The following LRRC9 variants were observed in gnomAD, a reference collection of about 807,000 sequenced individuals.
The protein encoded by LRRC9 is leucine-rich repeat-containing protein 9.
Under a neutral mutation model 63.2 loss-of-function variants are expected in LRRC9, and 122 were observed. The observed-to-expected ratio is 1.93, with a 90% CI of 1.67 to 2.24. LRRC9 has a LOEUF of 2.24. Ranked by LOEUF, LRRC9 falls within the 30% of genes most tolerant of loss-of-function variation. The probability of loss-of-function intolerance (pLI) is 0.00; values close to 1 mark genes in which losing one functional copy is unlikely to be tolerated. For synonymous variants in LRRC9, 366 were observed against 213.1 expected (o/e 1.72, Z -6.25); for missense variants, 1,071 against 627.7 (o/e 1.71, Z -7.55).
intron 1 of LRRC9, chr14:59,920,205 A>T (rs2139720134): frequency 6.6e-6 from 1 of 152,440 alleles, no homozygotes; most frequent in East Asian, 1.9e-4. Context: ...CAAGACAGGG[A>T]TTGGGAAATC....
chr14:59,921,843 TG>T (rs1263891628), intron 1 of LRRC9, among the ~76,000 whole-genome samples: 1 of 151,760 alleles, frequency 6.6e-6, no homozygotes, highest in African/African-American at 2.4e-5. Flanking sequence ...CCCAGCACTT[TG>T]GGAAGCCGAG....
At chr14:59,999,069 T>G in intron 18 of LRRC9, 32 bp from the exon 19 acceptor site, 1 of 631,504 alleles carries the variant, frequency 1.6e-6, no homozygotes, top group South Asian at 1.9e-5. Flanking sequence ...ATTTAACAGT[T>G]TATAAAAAAT....
chr14:60,059,138 T>C (rs1009231244), intron 31 of LRRC9: 1 of 152,208 alleles, frequency 6.6e-6, no homozygotes, highest in Non-Finnish European at 1.5e-5. Flanking sequence ...CCTTTTTTTA[T>C]TGCATTTCAC....
rs1884876003 is a variant in LRRC9, at chr14:59,966,531, C to T, written c.1212-58C>T. The T allele has an allele frequency of 2.0e-6, 1 of 499,126 alleles. No individual in the cohort carries two copies. Among genetic ancestry groups the T allele is most frequent in the Non-Finnish European group, 3.6e-6 (1 of 279,202 alleles). 30.9% of individuals were successfully genotyped at this position (499,126 alleles called of 1,614,324 possible). On this transcript the variant is annotated intron_variant, in intron 10 of 31. Transcript: ENST00000445360. This position sits in a 1 kb window ranked among gnomAD's most constrained non-coding sequence, Gnocchi z 4.0. ...TATCACGTAGTTTTCTGTTCTTAAA[C>T]ATTTTAAGGAAAATCTATTATTTTC...
intron 4 of LRRC9, among the ~76,000 whole-genome samples, 171 bp from the exon 5 acceptor site, chr14:59,931,448 G>A (rs780214657): frequency 2.0e-5 from 3 of 151,946 alleles, no homozygotes; most frequent in Non-Finnish European, 4.4e-5. Flanking sequence ...CTGAGTTCCA[G>A]TATAGAGAAC....
chr14:60,037,971 G>C (rs1892595613), intron 29 of LRRC9, among the ~76,000 whole-genome samples: 1 of 152,166 alleles, frequency 6.6e-6, no homozygotes. Flanking sequence ...TCCAGTTTCA[G>C]CTTTCTCCAT....
chr14:59,996,472 T>G (rs1408850611), intron 17 of LRRC9, among the ~76,000 whole-genome samples: 11 of 152,160 alleles, frequency 7.2e-5, no homozygotes, highest in Admixed American at 7.2e-4. Context: ...AAAGAGTTGT[T>G]TGAATTAAGT....
intron 6 of LRRC9, among the ~76,000 whole-genome samples, chr14:59,934,777 A>G (rs1213466108): frequency 2.6e-5 from 4 of 152,158 alleles, no homozygotes; most frequent in African/African-American, 9.7e-5. Flanking sequence ...AGGCTGGTAA[A>G]CACATCATAA....
At position 59,938,822 on chromosome 14, in the gene LRRC9, CAAG is replaced by C. The variant is rs1286081760; in HGVS notation, c.726+254_726+256del. Among the ~76,000 whole-genome samples the C allele has an allele frequency of 6.8e-6, 1 of 147,360 alleles. No individual in the cohort carries two copies. Among genetic ancestry groups the C allele is most frequent in the Non-Finnish European group, 1.5e-5 (1 of 67,066 alleles). ...AATAATGTTTCTAATCTATACAAAA[CAAG>C]AAGGAAATTGAAAAAAAATCAGTGT... On this transcript the variant is annotated intron_variant, in intron 7 of 31. Transcript: ENST00000445360. The surrounding 1 kb of genome is among the most constrained non-coding windows in gnomAD (Gnocchi z 4.2).
chr14:60,019,506 C>A (rs556849195), intron 26 of LRRC9, among the ~76,000 whole-genome samples: 67 of 151,826 alleles, frequency 4.4e-4, no homozygotes, highest in African/African-American at 1.2e-3. Flanking sequence ...AGGGAAAAAA[C>A]CAAAAAACAA....
At chr14:60,007,980 G>T in intron 22 of LRRC9, 112 bp from the exon 23 acceptor site, 12 of 414,910 alleles carry the variant, frequency 2.9e-5, no homozygotes, top group Admixed American at 8.7e-5. Flanking sequence ...TAAAGGCACT[G>T]AAATCCCATG....
At position 59,974,674 on chromosome 14, in the gene LRRC9, G is replaced by GA. The variant is rs1392449490; in HGVS notation, c.1609dup (p.Ile537AsnfsTer4). 1 of 687,562 alleles carries GA rather than the reference G, an allele frequency of 1.5e-6. No individual in the cohort carries two copies. Among genetic ancestry groups the GA allele is most frequent in the African/African-American group, 1.8e-5 (1 of 56,444 alleles). The allele number at this position is 687,562 out of a possible 1,614,324, so 42.6% of individuals were successfully genotyped here. On this transcript the variant is annotated frameshift_variant, in exon 13 of 32. Coordinates refer to ENST00000445360, the Ensembl canonical transcript of LRRC9. LOFTEE classifies it high-confidence loss of function. ...TACAGCAAAAGCACAAAGATGAGAA[G>GA]AAAATCTCTCTTAAGCATGAGCTCT...
chr14:60,014,746 T>G (rs916306948), intron 23 of LRRC9, among the ~76,000 whole-genome samples: 19 of 151,912 alleles, frequency 1.3e-4, no homozygotes, highest in African/African-American at 3.1e-4. Context: ...TGGATTTGGG[T>G]TTTTTTTCCT....
chr14:60,031,463 A>G lies in LRRC9; in HGVS notation c.3922-532A>G, dbSNP rs1366013445. Reference sequence around the variant, plus strand: ...ATTTGCAAACTTTCACCAATGTTAAATGGAAGCTAATAAATAATGCTATGC... The same window carrying G: ...ATTTGCAAACTTTCACCAATGTTAAGTGGAAGCTAATAAATAATGCTATGC... On this transcript the variant is annotated intron_variant, in intron 28 of 31. Coordinates refer to ENST00000445360, the Ensembl canonical transcript of LRRC9. The surrounding 1 kb of genome is among the most constrained non-coding windows in gnomAD (Gnocchi z 4.6). 1.3e-5 allele frequency among the ~76,000 whole-genome samples: 2 copies of G among 152,082 alleles called. No homozygotes were observed. Among genetic ancestry groups the G allele is most frequent in the Non-Finnish European group, 2.9e-5 (2 of 67,960 alleles).
At chr14:59,940,608 T>C (rs1881661236) in intron 7 of LRRC9, among the ~76,000 whole-genome samples, 2 of 152,126 alleles carry the variant, frequency 1.3e-5, no homozygotes, top group Non-Finnish European at 2.9e-5. Flanking sequence ...AGCTCAGTTT[T>C]CTGAACTGAA....
At chr14:59,988,161 A>T (rs762215348) in intron 17 of LRRC9, among the ~76,000 whole-genome samples, 3 of 152,178 alleles carry the variant, frequency 2.0e-5, no homozygotes, top group Non-Finnish European at 4.4e-5. Context: ...TGTTCCATAC[A>T]CATCTTATAT....
rs559665650 is a variant in LRRC9, at chr14:60,003,062, C to G, written c.2665-559C>G. On this transcript the variant is annotated intron_variant, in intron 20 of 31. Coordinates refer to ENST00000445360, the Ensembl canonical transcript of LRRC9. The surrounding 1 kb of genome is among the most constrained non-coding windows in gnomAD (Gnocchi z 4.2). The stretch of plus-strand genomic sequence containing the variant: ...GAAACTGGGCTAAGTGAAGCTGCTC[C>G]CAGAAAATGGGAGACATTACTGGCA... 1.3e-5 allele frequency among the ~76,000 whole-genome samples: 2 copies of G among 152,240 alleles called. No homozygotes were observed. The highest frequency in any genetic ancestry group is 3.9e-4 in the East Asian group (2 of 5,174).
chr14:60,054,496 A>C (rs1364487169), intron 30 of LRRC9, among the ~76,000 whole-genome samples: 2 of 152,192 alleles, frequency 1.3e-5, no homozygotes, highest in East Asian at 3.8e-4. Flanking sequence ...GAAAACATGT[A>C]AGGAAATTAT....
chr14:59,939,116 C>CAT (rs35937352), intron 7 of LRRC9, among the ~76,000 whole-genome samples: 57,371 of 147,694 alleles, frequency 0.39, 11,421 homozygotes, highest in East Asian at 0.57. Context: ...CATATATATA[C>CAT]ATATATATAA....
Sources: gnomAD v4.1 joint callset for allele counts (sites outside exome capture counted in the v4.1 genomes callset) on GRCh38, gnomAD v4.1.1 for gene constraint, Gnocchi (gnomAD v3.1) non-coding constraint, MANE v1.5 for transcripts, NCBI Gene and HGNC (gene_info 2026-07-23, HGNC 2026-07-21) for gene names.